Variants in MTFR1 observed in about 807,000 individuals in gnomAD.
The protein encoded by MTFR1 is chondrocyte protein with a poly-proline region.
MTFR1 carries 28 observed loss-of-function variants against 38.8 expected under a neutral mutation model. The ratio of observed to expected loss-of-function variants is 0.72; its 90% CI spans 0.53 to 0.99. The LOEUF (loss-of-function observed/expected upper bound fraction) is 0.99. MTFR1 is among the 50% of genes least tolerant of loss of function. MTFR1 has a pLI of 0.00. For synonymous variants in MTFR1, 145 were observed against 137.0 expected, an observed-to-expected ratio of 1.06 and a Z score of -0.41; for missense variants, 358 against 395.5, an observed-to-expected ratio of 0.91 and a Z score of 0.81.
intron 3 of MTFR1, among the ~76,000 whole-genome samples, chr8:65,689,353 G>T (rs994932687): frequency 2.6e-5 from 4 of 151,982 alleles, no homozygotes; most frequent in African/African-American, 9.7e-5. Flanking sequence ...TACAACATTT[G>T]TATTTTACTA....
intron 3 of MTFR1, chr8:65,739,632 A>C: frequency 6.9e-7 from 1 of 1,451,828 alleles, no homozygotes; most frequent in Middle Eastern, 1.9e-4. Flanking sequence ...ATTAGTAGGA[A>C]ATACAAGTCA....
chr8:65,680,081 T>C (rs923327237), intron 2 of MTFR1, among the ~76,000 whole-genome samples: 2 of 151,294 alleles, frequency 1.3e-5, no homozygotes, highest in Admixed American at 1.3e-4. Flanking sequence ...GGAAAATGTG[T>C]GATAAAAATT....
downstream of MTFR1, among the ~76,000 whole-genome samples, chr8:65,715,133 TTC>T (rs1806080571): frequency 2.0e-5 from 3 of 152,172 alleles, no homozygotes; most frequent in Non-Finnish European, 2.9e-5. Context: ...AAATTTTGCA[TTC>T]TGTTCTGTAA....
At chr8:65,681,039 A>G (rs1804869535) in intron 2 of MTFR1, among the ~76,000 whole-genome samples, 1 of 151,004 alleles carries the variant, frequency 6.6e-6, no homozygotes, top group Admixed American at 6.6e-5. Flanking sequence ...CAGCCTCCCG[A>G]GTAGCTGGGA....
intron 1 of MTFR1, among the ~76,000 whole-genome samples, chr8:65,662,008 C>CCT (rs1201162054): frequency 7.0e-6 from 1 of 143,758 alleles, no homozygotes; most frequent in African/African-American, 2.6e-5. Context: ...TCTCCCTCTC[C>CCT]CTCTCTCTCT....
chr8:65,690,644 G>C (rs540535174), intron 3 of MTFR1, among the ~76,000 whole-genome samples: 1 of 151,866 alleles, frequency 6.6e-6, no homozygotes, highest in Non-Finnish European at 1.5e-5. Flanking sequence ...AGCTATTTTT[G>C]TAACTTCTGT....
At chr8:65,704,439 T>C (rs1429987779) in intron 4 of MTFR1, among the ~76,000 whole-genome samples, 2 of 152,242 alleles carry the variant, frequency 1.3e-5, no homozygotes, top group African/African-American at 2.4e-5. Flanking sequence ...GTGATGCCTC[T>C]TGATGGAGTT....
chr8:65,723,808 A>C (rs1806494171), intron 3 of MTFR1, among the ~76,000 whole-genome samples: 1 of 152,194 alleles, frequency 6.6e-6, no homozygotes, highest in South Asian at 2.1e-4. Flanking sequence ...TGCCAAGCTG[A>C]TATTTTTATT....
intron 3 of MTFR1, chr8:65,747,701 A>C: frequency 3.1e-6 from 5 of 1,611,562 alleles, no homozygotes; most frequent in Non-Finnish European, 4.2e-6. Flanking sequence ...GGAATTTGAA[A>C]CCGCAGTACC....
intron 2 of MTFR1, among the ~76,000 whole-genome samples, chr8:65,675,247 C>G (rs1260353889): frequency 1.3e-5 from 2 of 151,976 alleles, no homozygotes; most frequent in East Asian, 3.9e-4. Context: ...GAGCCGAGAT[C>G]ACGCCACTGC....
chr8:65,776,800 C>T, the MTFR1 span, among the ~76,000 whole-genome samples: 3 of 152,146 alleles, frequency 2.0e-5, no homozygotes, highest in Non-Finnish European at 4.4e-5. Context: ...ACTATGTCAT[C>T]CATAAAAATG....
intron 3 of MTFR1, chr8:65,739,509 T>G (rs746404826): frequency 5.1e-6 from 8 of 1,559,844 alleles, no homozygotes; most frequent in Non-Finnish European, 6.9e-6. Context: ...TACCTAAAAA[T>G]CTACGAAGTT....
intron 3 of MTFR1, among the ~76,000 whole-genome samples, chr8:65,733,002 C>T (rs1806963494): frequency 6.6e-6 from 1 of 152,206 alleles, no homozygotes; most frequent in Middle Eastern, 3.4e-3. Flanking sequence ...AGTCACCGTG[C>T]CCAGTCCTGG....
At chr8:65,695,278 C>T (rs1336133493) in intron 4 of MTFR1, among the ~76,000 whole-genome samples, 10 of 152,192 alleles carry the variant, frequency 6.6e-5, no homozygotes, top group Admixed American at 4.6e-4. Flanking sequence ...GAAGAGCCTA[C>T]GTAGTCAGAG....
At chr8:65,747,319 G>A (rs571518236) in intron 3 of MTFR1, among the ~76,000 whole-genome samples, 3 of 152,220 alleles carry the variant, frequency 2.0e-5, no homozygotes, top group Admixed American at 2.0e-4. Context: ...GATGGAATAC[G>A]GACATGATTA....
intron 3 of MTFR1, among the ~76,000 whole-genome samples, chr8:65,755,186 A>T (rs1023535277): frequency 4.6e-5 from 7 of 151,098 alleles, no homozygotes; most frequent in African/African-American, 1.7e-4. Context: ...ACGCCCGGCT[A>T]ATTTTTATAT....
chr8:65,760,076 C>T (rs1808420669), intron 3 of MTFR1, among the ~76,000 whole-genome samples: 1 of 152,028 alleles, frequency 6.6e-6, no homozygotes, highest in Non-Finnish European at 1.5e-5. Flanking sequence ...CCCATCTCTA[C>T]TAAAAATGCA....
chr8:65,762,711 T>C (rs1029242323), intron 3 of MTFR1, among the ~76,000 whole-genome samples: 5 of 152,144 alleles, frequency 3.3e-5, no homozygotes, highest in Non-Finnish European at 7.3e-5. Context: ...AAATATGTCA[T>C]ACCATTTTTT....
chr8:65,683,132 C>CTTT (rs748824241), intron 3 of MTFR1, among the ~76,000 whole-genome samples: 28 of 121,650 alleles, frequency 2.3e-4, no homozygotes, highest in Non-Finnish European at 2.9e-4. Context: ...TTCTTTCTTT[C>CTTT]TTTTTTTTTT....
Sources: gnomAD v4.1 joint callset for allele counts (sites outside exome capture counted in the v4.1 genomes callset) on GRCh38, gnomAD v4.1.1 for gene constraint, MANE v1.5 for transcripts, NCBI Gene and HGNC (gene_info 2026-07-23, HGNC 2026-07-21) for gene names.